The following FAT4 variants were observed in gnomAD, a reference collection of about 807,000 sequenced individuals.
FAT4 encodes FAT atypical cadherin 4.
A neutral mutation model predicts 303.9 loss-of-function variants in FAT4; 84 were observed. The ratio of observed to expected loss-of-function variants is 0.28; its 90% CI spans 0.23 to 0.33. FAT4 has a LOEUF of 0.33. Ranked by LOEUF, FAT4 falls within the 10% of genes least tolerant of loss-of-function variation. The pLI is 1.00. For missense variants in FAT4, 6,005 were observed against 6,146.8 expected (o/e 0.98, Z 0.77); for synonymous variants, 2,307 against 2,298.8 (o/e 1.00, Z -0.10).
Position 125,490,162 on chromosome 4 carries a change from C to T in FAT4, c.13346C>T (p.Ser4449Phe), listed in dbSNP as rs1389208049. 6.2e-7 allele frequency: 1 copy of T among 1,613,996 alleles called. No individual in the cohort carries two copies. Among genetic ancestry groups the T allele is most frequent in the Non-Finnish European group, 8.5e-7 (1 of 1,180,042 alleles). ...GGCAGCTGTGAGCCAGGCCTGCACT[C>T]CGGCTTCACCTGTAGCTGCCCAGAC... is the stretch of plus-strand genomic sequence containing the variant. ...NGGSCEPGLH[S>F]GFTCSCPDSH... is the part of the protein sequence containing the mutation. Residue 4449 changes from serine (S) to phenylalanine (F), a missense_variant, in exon 18 of 18, where the codon TCC becomes TTC. Physicochemically the swap from Ser to Phe is radical, Grantham distance 155. Transcript: ENST00000394329.
At chr4:125,350,167 G>T (rs1732169149) in intron 2 of FAT4, among the ~76,000 whole-genome samples, 1 of 151,686 alleles carries the variant, frequency 6.6e-6, no homozygotes, top group Non-Finnish European at 1.5e-5. Context: ...GATTTAAAGT[G>T]CAGCAATTCA....
intron 2 of FAT4, among the ~76,000 whole-genome samples, chr4:125,329,886 CA>C (rs920519438): frequency 6.6e-6 from 1 of 152,198 alleles, no homozygotes; most frequent in African/African-American, 2.4e-5. Flanking sequence ...ACCCTACTTA[CA>C]ACCTTTCAGT....
At chr4:125,328,739 T>C (rs1053582943) in intron 2 of FAT4, among the ~76,000 whole-genome samples, 6 of 152,212 alleles carry the variant, frequency 3.9e-5, no homozygotes, top group African/African-American at 1.4e-4. Context: ...AGATACAACA[T>C]ATCATCATTT....
intron 2 of FAT4, among the ~76,000 whole-genome samples, chr4:125,358,483 G>A (rs1001704999): frequency 1.3e-4 from 20 of 152,048 alleles, no homozygotes; most frequent in African/African-American, 4.8e-4. Context: ...GGGATACAGT[G>A]ACAGATCATC....
rs1427439062 is a variant in FAT4, at chr4:125,446,278, T to C, written c.7200-15T>C. The stretch of plus-strand genomic sequence containing the variant: ...AAACTATATGACATATCCCTATTTC[T>C]GCTTTCTGCTTTAGTTATAGGATCA... On this transcript the variant is annotated splice_polypyrimidine_tract_variant and intron_variant, in intron 8 of 17. Coordinates refer to ENST00000394329, the MANE Select transcript of FAT4 (RefSeq NM_001291303.3). 6 of 1,606,418 alleles carry C rather than the reference T, an allele frequency of 3.7e-6. No individual in the cohort carries two copies. Among genetic ancestry groups the C allele is most frequent in the Non-Finnish European group, 4.3e-6 (5 of 1,174,378 alleles).
intron 10 of FAT4, among the ~76,000 whole-genome samples, chr4:125,459,581 A>G (rs1277720347): frequency 6.6e-6 from 1 of 152,086 alleles, no homozygotes; most frequent in Non-Finnish European, 1.5e-5. Context: ...TAATTGATGG[A>G]TGTCAAAGCA....
At chr4:125,394,037 C>A (rs1270772283) in intron 2 of FAT4, 2 of 774,258 alleles carry the variant, frequency 2.6e-6, no homozygotes, top group Non-Finnish European at 4.8e-6. Flanking sequence ...AACTACATTT[C>A]TTCTAATTGT....
chr4:125,322,687 G>T (rs1410637227), intron 2 of FAT4, among the ~76,000 whole-genome samples: 1 of 151,670 alleles, frequency 6.6e-6, no homozygotes, highest in Non-Finnish European at 1.5e-5. Flanking sequence ...TTTTTGGGGG[G>T]AGGAGGTGGG....
chr4:125,464,270 A>G (rs1183023931), intron 11 of FAT4, among the ~76,000 whole-genome samples: 1 of 152,068 alleles, frequency 6.6e-6, no homozygotes, highest in Non-Finnish European at 1.5e-5. Context: ...TTTTTTGTAT[A>G]CATACATATT....
At chr4:125,426,275 GT>G (rs1449778840) in intron 7 of FAT4, among the ~76,000 whole-genome samples, 2 of 152,040 alleles carry the variant, frequency 1.3e-5, no homozygotes, top group Admixed American at 1.3e-4. Context: ...TGCCTTGTCT[GT>G]TATGATCAAC....
chr4:125,335,771 G>A (rs1198000376), intron 2 of FAT4, among the ~76,000 whole-genome samples: 3 of 151,398 alleles, frequency 2.0e-5, no homozygotes, highest in African/African-American at 7.3e-5. Flanking sequence ...GAATAGTTTT[G>A]TTCAAATACT....
At position 125,479,786 on chromosome 4, in the gene FAT4, T is replaced by C. The variant is rs374642758; in HGVS notation, c.12525T>C (p.His4175=). 4 of 1,603,604 alleles carry C rather than the reference T, an allele frequency of 2.5e-6. No individual in the cohort carries two copies. Among genetic ancestry groups the C allele is most frequent in the Non-Finnish European group, 2.6e-6 (3 of 1,172,448 alleles). ...EGACTRSPCQ[H]GGTCMDYWSW... ...CTTGTACTCGCAGCCCATGCCAACATGGTGGCACATGTATGGATTACTGGT... is the reference window on the plus strand; with the variant it reads ...CTTGTACTCGCAGCCCATGCCAACACGGTGGCACATGTATGGATTACTGGT... Residue 4175 remains histidine (H), a synonymous_variant, in exon 15 of 18, where the codon CAT becomes CAC. Transcript: ENST00000394329.
rs2126057778 is a variant in FAT4, at chr4:125,449,251, A to G, written c.8241A>G (p.Ser2747=). 1 of 1,613,962 alleles carries G rather than the reference A, an allele frequency of 6.2e-7. No individual in the cohort carries two copies. The highest frequency in any genetic ancestry group is 8.5e-7 in the Non-Finnish European group (1 of 1,179,916). Residue 2747 remains serine, a synonymous_variant, in exon 10 of 18, where the codon TCA becomes TCG. Transcript: ENST00000394329. ...CTCATTATGTCCTAACCATAAAATC[A>G]TCAGACAAAGGGTCCCCGTCTCAGA... ...KVSHYVLTIK[S]SDKGSPSQST... is the part of the protein sequence containing the mutation.
At chr4:125,486,076 A>C (rs1304275917) in intron 16 of FAT4, among the ~76,000 whole-genome samples, 1 of 151,958 alleles carries the variant, frequency 6.6e-6, no homozygotes, top group Non-Finnish European at 1.5e-5. Context: ...TTTCATCAAA[A>C]ATTTATTGAA....
chr4:125,479,382 G>T lies in FAT4; in HGVS notation c.12480-359G>T, dbSNP rs151246993. Among the ~76,000 whole-genome samples the T allele has an allele frequency of 7.6e-4, 116 of 152,254 alleles. 1 individual carries two copies. The highest frequency in any genetic ancestry group is 2.7e-3 in the African/African-American group (113 of 41,544). ...GGCATTCAATAAACATTAGTTGCAT[G>T]AGTATCCTGATAGACATGTGTCAAA... is the stretch of plus-strand genomic sequence containing the variant. On this transcript the variant is annotated intron_variant, in intron 14 of 17. Transcript: ENST00000394329.
rs1333622133 is a variant in FAT4 at position 125,318,825 on chromosome 4, A to G, written c.2414A>G (p.Asn805Ser). The part of the protein sequence containing the change: ...QVAYSFVVFE[N>S]VALGYHVGSV... ...GCCTACAGCTTTGTGGTTTTTGAGA[A>G]CGTGGCGCTGGGATATCATGTGGGT... Residue 805 changes from asparagine to serine, a missense_variant, in exon 2 of 18, where the codon AAC becomes AGC. Asn to Ser is a conservative substitution (Grantham distance 46). Coordinates refer to ENST00000394329, the MANE Select transcript of FAT4 (RefSeq NM_001291303.3). The G allele has an allele frequency of 4.3e-6, 7 of 1,614,170 alleles. No homozygotes were observed. In the East Asian group the frequency reaches 1.1e-4, roughly 26 times the overall value.
chr4:125,398,702 C>A, intron 2 of FAT4, 82 bp from the exon 3 acceptor site: 1 of 1,385,000 alleles, frequency 7.2e-7, no homozygotes, highest in South Asian at 1.4e-5. Flanking sequence ...GTCTTGATTG[C>A]GTGGATTCCT....
At chr4:125,421,559 A>G (rs942811815) in intron 7 of FAT4, among the ~76,000 whole-genome samples, 1 of 152,100 alleles carries the variant, frequency 6.6e-6, no homozygotes, top group East Asian at 1.9e-4. Context: ...ATCTGCCACT[A>G]CTCTTTCAGG....
chr4:125,384,368 G>A (rs544025959), intron 2 of FAT4, among the ~76,000 whole-genome samples: 118 of 152,212 alleles, frequency 7.8e-4, no homozygotes, highest in African/African-American at 2.8e-3. Context: ...CCATTTTTAT[G>A]TGTGACATAT....
Sources: allele counts gnomAD v4.1 joint callset (sites outside exome capture counted in the v4.1 genomes callset), GRCh38; gene constraint gnomAD v4.1.1; transcripts MANE v1.5; gene names NCBI Gene and HGNC (gene_info 2026-07-23, HGNC 2026-07-21).